SPOCK3: variants seen among roughly 807,000 people sequenced by gnomAD.
SPOCK3 encodes the protein testican-3.
Under a neutral mutation model 56.6 loss-of-function variants are expected in SPOCK3, and 30 were observed. The observed-to-expected ratio is 0.53, with a 90% CI of 0.40 to 0.72. The LOEUF is 0.72. SPOCK3 is among the 30% of genes least tolerant of loss of function. The pLI, the probability that SPOCK3 is intolerant of heterozygous loss-of-function variation, is 0.00. For synonymous variants in SPOCK3, 196 were observed against 183.3 expected (o/e 1.07, Z -0.56); for missense variants, 527 against 530.0 (o/e 0.99, Z 0.06).
chr4:166,958,093 C>T (rs763829407), intron 4 of SPOCK3, among the ~76,000 whole-genome samples: 1 of 152,090 alleles, frequency 6.6e-6, no homozygotes, highest in Non-Finnish European at 1.5e-5. Context: ...AGGGGGAGAG[C>T]CTGGTGGGAG....
In SPOCK3 at chr4:167,103,920, G is replaced by A. The variant is rs568296256; in HGVS notation, c.190-41383C>T. Among the ~76,000 whole-genome samples, 3 of 152,240 alleles carry A rather than the reference G, an allele frequency of 2.0e-5. No homozygotes were observed. The East Asian group carries it at 5.8e-4, about 29-fold the overall frequency. On this transcript the variant is annotated intron_variant, in intron 2 of 10. Coordinates refer to ENST00000357545, the MANE Select transcript of SPOCK3 (RefSeq NM_001040159.2). ...ACCCCATTTGATTGGGAGAAAATAAGGGAAGAGAACAAGTATCTTTGCCTG... is the reference window on the plus strand; with the variant it reads ...ACCCCATTTGATTGGGAGAAAATAAAGGAAGAGAACAAGTATCTTTGCCTG...
intron 4 of SPOCK3, among the ~76,000 whole-genome samples, chr4:166,985,645 TAATG>T (rs1424013222): frequency 6.6e-6 from 1 of 152,162 alleles, no homozygotes; most frequent in Non-Finnish European, 1.5e-5. Context: ...AAAATGATAA[TAATG>T]AACCACATTT....
intron 2 of SPOCK3, among the ~76,000 whole-genome samples, chr4:167,209,213 T>C (rs1734632794): frequency 6.6e-6 from 1 of 152,124 alleles, no homozygotes; most frequent in South Asian, 2.1e-4. Context: ...ATATGGAATG[T>C]TCCATGTTAC....
At chr4:166,754,239 T>A in intron 8 of SPOCK3, 1 of 1,133,344 alleles carries the variant, frequency 8.8e-7, no homozygotes, top group Non-Finnish European at 1.1e-6. Flanking sequence ...TATTTCTGTG[T>A]GCTTCTTGGT....
chr4:167,116,586 GTA>G (rs1275276860), intron 2 of SPOCK3, among the ~76,000 whole-genome samples: 8 of 126,630 alleles, frequency 6.3e-5, no homozygotes, highest in Non-Finnish European at 4.9e-5. Flanking sequence ...ATATAGTTTT[GTA>G]TATATATACA....
At chr4:167,186,460 C>T (rs986891250) in intron 2 of SPOCK3, among the ~76,000 whole-genome samples, 4 of 151,908 alleles carry the variant, frequency 2.6e-5, no homozygotes, top group Non-Finnish European at 5.9e-5. Flanking sequence ...AACCCCATCT[C>T]TACTGAAAAT....
intron 3 of SPOCK3, among the ~76,000 whole-genome samples, chr4:167,060,781 G>C (rs1433814724): frequency 6.6e-6 from 1 of 152,008 alleles, no homozygotes; most frequent in Non-Finnish European, 1.5e-5. Context: ...AGGTTTGGGG[G>C]TTCAGACTGA....
chr4:166,773,981 G>A (rs1417226812), intron 7 of SPOCK3, among the ~76,000 whole-genome samples: 1 of 152,104 alleles, frequency 6.6e-6, no homozygotes, highest in Admixed American at 6.6e-5. Flanking sequence ...AACTCAGGAG[G>A]TCCCATAATT....
chr4:166,928,811 T>C (rs1739404289), intron 4 of SPOCK3, among the ~76,000 whole-genome samples: 1 of 151,902 alleles, frequency 6.6e-6, no homozygotes, highest in African/African-American at 2.4e-5. Flanking sequence ...TTACTAAAAA[T>C]ACAAAAATTA....
chr4:166,820,419 A>G (rs1286172456), intron 6 of SPOCK3, among the ~76,000 whole-genome samples: 1 of 152,080 alleles, frequency 6.6e-6, no homozygotes, highest in Admixed American at 6.6e-5. Context: ...AGATTAATGG[A>G]AGAAAATTGA....
intron 2 of SPOCK3, chr4:167,083,365 T>A: frequency 1.3e-6 from 1 of 759,374 alleles, no homozygotes; most frequent in Non-Finnish European, 2.4e-6. Context: ...CTGCAGTGAA[T>A]AACGAATTCA....
At chr4:166,784,864 A>C (rs958420083) in intron 7 of SPOCK3, among the ~76,000 whole-genome samples, 6 of 152,104 alleles carry the variant, frequency 3.9e-5, no homozygotes, top group Admixed American at 6.6e-5. Flanking sequence ...GACTCTGCTA[A>C]TCTGGGGATT....
chr4:167,200,386 T>C (rs991174068), intron 2 of SPOCK3, among the ~76,000 whole-genome samples: 2 of 152,020 alleles, frequency 1.3e-5, no homozygotes, highest in Non-Finnish European at 2.9e-5. Flanking sequence ...TGTTTAAGGA[T>C]GGCACATTAG....
chr4:167,051,641 G>T (rs1308517387), intron 3 of SPOCK3, among the ~76,000 whole-genome samples: 1 of 152,164 alleles, frequency 6.6e-6, no homozygotes, highest in East Asian at 1.9e-4. Flanking sequence ...TAGAGTGAGG[G>T]TTGACATTTC....
intron 2 of SPOCK3, among the ~76,000 whole-genome samples, chr4:167,126,179 G>T (rs1435419562): frequency 1.3e-5 from 2 of 152,168 alleles, no homozygotes; most frequent in African/African-American, 2.4e-5. Flanking sequence ...CCTACATCAA[G>T]CACAATGTTT....
At position 167,234,119 on chromosome 4, in the gene SPOCK3, A is replaced by T. The variant is rs1165038447; in HGVS notation, c.55T>A (p.Ser19Thr). Reference sequence around the variant, plus strand: ...GCCACCGCCGCGGCAGCTGCGAGAGACTGACTGCACCAAGCGGCTGCACAC... The same window carrying T: ...GCCACCGCCGCGGCAGCTGCGAGAGTCTGACTGCACCAAGCGGCTGCACAC... Reference protein sequence around the residue: ...CVCAAAWCSQSLAAAAAVAAA... With the variant: ...CVCAAAWCSQTLAAAAAVAAA... Residue 19 changes from serine (S) to threonine (T), a missense_variant, in exon 2 of 11, where the codon TCT (serine) becomes ACT (threonine). Ser to Thr is a moderately conservative substitution (Grantham distance 58). Transcript: ENST00000357545. The T allele has an allele frequency of 6.2e-7, 1 of 1,613,696 alleles. No individual in the cohort carries two copies. Among genetic ancestry groups the T allele is most frequent in the South Asian group, 1.1e-5 (1 of 91,062 alleles).
intron 2 of SPOCK3, among the ~76,000 whole-genome samples, chr4:167,116,911 G>GTATATATATATATATATATA (rs1279038321): frequency 5.2e-5 from 6 of 115,382 alleles, no homozygotes; most frequent in African/African-American, 2.1e-4. Flanking sequence ...GTGTGTGTGT[G>GTATATATATATATATATATA]TGTATATATA....
chr4:166,781,321 G>A (rs899267087), intron 7 of SPOCK3, among the ~76,000 whole-genome samples: 1 of 152,094 alleles, frequency 6.6e-6, no homozygotes. Flanking sequence ...TATAAATGGC[G>A]AACACTTGCA....
At chr4:166,744,231 G>A (rs1735262996) in intron 8 of SPOCK3, among the ~76,000 whole-genome samples, 2 of 152,124 alleles carry the variant, frequency 1.3e-5, no homozygotes, top group South Asian at 2.1e-4. Flanking sequence ...ACCTCATACA[G>A]CCGAGTGCCC....
Sources: allele counts gnomAD v4.1 joint callset (sites outside exome capture counted in the v4.1 genomes callset), GRCh38; gene constraint gnomAD v4.1.1; transcripts MANE v1.5; gene names NCBI Gene and HGNC (gene_info 2026-07-23, HGNC 2026-07-21).